FAF1: variants seen among roughly 807,000 people sequenced by gnomAD.
FAF1 encodes the protein FAS-associated factor 1.
Under a neutral mutation model 92.5 loss-of-function variants are expected in FAF1, and 25 were observed. That is an observed-to-expected ratio of 0.27 (90% CI 0.20 to 0.38). FAF1 has a LOEUF of 0.38. Ranked by LOEUF, FAF1 falls within the 10% of genes least tolerant of loss-of-function variation. The pLI is 1.00. For missense variants in FAF1, 636 were observed against 793.3 expected (o/e 0.80, Z 2.38); for synonymous variants, 234 against 273.2 (o/e 0.86, Z 1.42).
intron 4 of FAF1, among the ~76,000 whole-genome samples, chr1:50,752,618 T>C (rs1317625932): frequency 1.3e-5 from 2 of 152,162 alleles, no homozygotes; most frequent in Admixed American, 1.3e-4. Context: ...CCACTTACTG[T>C]TTTCTGCTCT....
intron 8 of FAF1, among the ~76,000 whole-genome samples, chr1:50,614,519 G>GTAA (rs141811210): frequency 0.49 from 74,215 of 151,644 alleles, 20,251 homozygotes; most frequent in African/African-American, 0.72. Flanking sequence ...TCAACACATA[G>GTAA]TAATATTAGA....
intron 8 of FAF1, among the ~76,000 whole-genome samples, chr1:50,617,097 G>A (rs977955272): frequency 6.6e-6 from 1 of 152,196 alleles, no homozygotes; most frequent in African/African-American, 2.4e-5. Flanking sequence ...AAGAGATACA[G>A]TTTGACTTCT....
intron 1 of FAF1, among the ~76,000 whole-genome samples, chr1:50,906,070 G>A (rs942107548): frequency 6.6e-6 from 1 of 152,164 alleles, no homozygotes; most frequent in Non-Finnish European, 1.5e-5. Flanking sequence ...GTGTAAGGAA[G>A]GGATCCAGTT....
chr1:50,742,842 A>G (rs921831573), intron 5 of FAF1, among the ~76,000 whole-genome samples: 27 of 152,248 alleles, frequency 1.8e-4, no homozygotes, highest in Non-Finnish European at 3.5e-4. Flanking sequence ...GGGGATAGCA[A>G]ACTATGGCCT....
intron 6 of FAF1, among the ~76,000 whole-genome samples, chr1:50,706,260 TTCC>T (rs1382081594): frequency 1.3e-5 from 2 of 152,210 alleles, no homozygotes; most frequent in East Asian, 3.8e-4. Context: ...TCTGGTTCAA[TTCC>T]AAGTGAAACA....
intron 8 of FAF1, among the ~76,000 whole-genome samples, chr1:50,598,441 G>A (rs1651933986): frequency 1.5e-5 from 2 of 136,852 alleles, no homozygotes; most frequent in Non-Finnish European, 1.5e-5. Context: ...TAGCCTGGGT[G>A]ATAAAGCAAG....
intron 1 of FAF1, among the ~76,000 whole-genome samples, chr1:50,930,379 T>C (rs558531531): frequency 6.6e-6 from 1 of 152,214 alleles, no homozygotes; most frequent in Non-Finnish European, 1.5e-5. Flanking sequence ...GGAAACAATG[T>C]GTAGTGGAAA....
chr1:50,489,813 A>C (rs1572779479), intron 17 of FAF1, among the ~76,000 whole-genome samples: 2 of 152,324 alleles, frequency 1.3e-5, no homozygotes, highest in South Asian at 4.1e-4. Context: ...GGTAAAGTGA[A>C]GACTGTGGAA....
At chr1:50,547,045 T>C (rs1213156616) in intron 13 of FAF1, among the ~76,000 whole-genome samples, 5 of 151,470 alleles carry the variant, frequency 3.3e-5, no homozygotes, top group Admixed American at 3.3e-4. Context: ...AGCGCCACCA[T>C]GCCTGGATAA....
At chr1:50,838,946 A>G (rs990413807) in intron 2 of FAF1, among the ~76,000 whole-genome samples, 1 of 152,054 alleles carries the variant, frequency 6.6e-6, no homozygotes, top group African/African-American at 2.4e-5. Flanking sequence ...CAAATTATAA[A>G]CCCCTAAGAT....
In FAF1 at chr1:50,441,260, A is replaced by G. The variant is rs1020637808; in HGVS notation, c.*180T>C. On this transcript the variant is annotated 3_prime_UTR_variant, in exon 19 of 19. Transcript: ENST00000396153. ...TAATAAGGGTTGGGAATATATACTC[A>G]TGGATGGGAAATCTTAAGTAGCTAT... 9.6e-6 allele frequency: 5 copies of G among 519,716 alleles called. No homozygotes were observed. The highest frequency in any genetic ancestry group is 1.7e-5 in the Non-Finnish European group (5 of 290,604). 32.2% of individuals were successfully genotyped at this position (519,716 alleles called of 1,614,324 possible).
At chr1:50,603,828 G>C (rs1652257608) in intron 8 of FAF1, among the ~76,000 whole-genome samples, 1 of 152,096 alleles carries the variant, frequency 6.6e-6, no homozygotes, top group African/African-American at 2.4e-5. Context: ...TGTTAAAAAG[G>C]AAGTGACTAA....
chr1:50,795,585 C>T (rs189977547), intron 3 of FAF1, among the ~76,000 whole-genome samples: 1 of 152,292 alleles, frequency 6.6e-6, no homozygotes, highest in East Asian at 1.9e-4. Context: ...GGTATAAATG[C>T]TTTATATCAG....
intron 2 of FAF1, among the ~76,000 whole-genome samples, chr1:50,834,778 C>T (rs1015720242): frequency 6.6e-6 from 1 of 152,152 alleles, no homozygotes; most frequent in Admixed American, 6.5e-5. Flanking sequence ...TTACTGAACA[C>T]TGAAAATCTG....
At chr1:50,545,284 T>C (rs1046088168) in intron 13 of FAF1, among the ~76,000 whole-genome samples, 2 of 152,122 alleles carry the variant, frequency 1.3e-5, no homozygotes, top group African/African-American at 4.8e-5. Flanking sequence ...TACATATATA[T>C]ATATATTCGA....
At chr1:50,757,278 T>C (rs1403765361) in intron 4 of FAF1, among the ~76,000 whole-genome samples, 1 of 152,222 alleles carries the variant, frequency 6.6e-6, no homozygotes, top group Non-Finnish European at 1.5e-5. Context: ...GTTCAGATTT[T>C]TTGTCTGTTG....
intron 8 of FAF1, among the ~76,000 whole-genome samples, chr1:50,605,209 T>G (rs145479338): frequency 6.6e-6 from 1 of 152,332 alleles, no homozygotes; most frequent in Non-Finnish European, 1.5e-5. Context: ...CTGCTCACTG[T>G]AACAGAATTA....
intron 18 of FAF1, among the ~76,000 whole-genome samples, chr1:50,459,162 C>T (rs930818460): frequency 1.3e-5 from 2 of 151,956 alleles, no homozygotes; most frequent in East Asian, 1.9e-4. Flanking sequence ...TTAGTAGAGA[C>T]GATGTATTGC....
intron 8 of FAF1, among the ~76,000 whole-genome samples, chr1:50,616,412 G>A (rs1003983354): frequency 6.6e-6 from 1 of 152,142 alleles, no homozygotes; most frequent in South Asian, 2.1e-4. Flanking sequence ...CACAGAATCT[G>A]TATGTTGCCT....
Sources: allele counts gnomAD v4.1 joint callset (sites outside exome capture counted in the v4.1 genomes callset), GRCh38; gene constraint gnomAD v4.1.1; transcripts MANE v1.5; gene names NCBI Gene and HGNC (gene_info 2026-07-23, HGNC 2026-07-21).